EEFSEC: variants seen among roughly 807,000 people sequenced by gnomAD.
EEFSEC encodes the protein eukaryotic elongation factor, selenocysteine-tRNA specific, also known as selenocysteine-specific elongation factor.
A neutral mutation model predicts 42.1 loss-of-function variants in EEFSEC; 43 were observed. That is an observed-to-expected ratio of 1.02 (90% CI 0.80 to 1.32). EEFSEC has a LOEUF of 1.32. Ranked by LOEUF, EEFSEC falls within the 40% of genes most tolerant of loss-of-function variation. The probability of loss-of-function intolerance (pLI) is 0.00; values close to 1 mark genes in which losing one functional copy is unlikely to be tolerated. For synonymous variants in EEFSEC, 354 were observed against 339.1 expected (o/e 1.04, Z -0.48); for missense variants, 745 against 803.6 (o/e 0.93, Z 0.88).
chr3:128,230,531 T>C (rs2065949806), intron 1 of EEFSEC, among the ~76,000 whole-genome samples: 1 of 152,150 alleles, frequency 6.6e-6, no homozygotes, highest in Non-Finnish European at 1.5e-5. Context: ...ATGATAGCAT[T>C]TGTTAGGGAG....
At chr3:128,181,509 AAAAC>A (rs1268422838) in intron 1 of EEFSEC, among the ~76,000 whole-genome samples, 5 of 152,214 alleles carry the variant, frequency 3.3e-5, no homozygotes, top group Admixed American at 2.0e-4. Context: ...AAACACAACA[AAAAC>A]AAAAGAGAAG....
intron 1 of EEFSEC, among the ~76,000 whole-genome samples, chr3:128,170,976 G>C (rs550695845): frequency 1.6e-4 from 24 of 152,254 alleles, no homozygotes; most frequent in Middle Eastern, 6.8e-3. Flanking sequence ...GGACACTTTA[G>C]CAAGCACTCT....
intron 6 of EEFSEC, among the ~76,000 whole-genome samples, chr3:128,393,725 A>T (rs947932545): frequency 6.6e-6 from 1 of 152,244 alleles, no homozygotes; most frequent in Admixed American, 6.5e-5. Flanking sequence ...AATGCTGGAC[A>T]GTACTGGGCC....
intron 6 of EEFSEC, among the ~76,000 whole-genome samples, chr3:128,390,599 T>C (rs1340070862): frequency 2.0e-5 from 3 of 152,218 alleles, no homozygotes; most frequent in Admixed American, 2.0e-4. Flanking sequence ...GAGTGGGCCC[T>C]GCAGGCCTGG....
At chr3:128,409,673 G>C (rs753496573), downstream of EEFSEC, among the ~76,000 whole-genome samples, 2 of 152,186 alleles carry the variant, frequency 1.3e-5, no homozygotes, top group Non-Finnish European at 2.9e-5. Context: ...TGCAGGCTGC[G>C]GGTGCCAGGG....
intron 2 of EEFSEC, among the ~76,000 whole-genome samples, chr3:128,256,923 G>T (rs1442619193): frequency 6.6e-6 from 1 of 152,012 alleles, no homozygotes. Context: ...TTTAACACTT[G>T]TTTTATAGAT....
downstream of EEFSEC, among the ~76,000 whole-genome samples, chr3:128,408,863 G>A (rs894211004): frequency 3.9e-5 from 6 of 152,180 alleles, no homozygotes; most frequent in African/African-American, 1.4e-4. Context: ...GGAGAATGGG[G>A]ATTCTCTGGG....
chr3:128,372,007 T>C (rs2067659901), intron 6 of EEFSEC, among the ~76,000 whole-genome samples: 1 of 152,242 alleles, frequency 6.6e-6, no homozygotes, highest in Admixed American at 6.5e-5. Flanking sequence ...ACACAGTGAA[T>C]GCAACTTTTC....
intron 4 of EEFSEC, among the ~76,000 whole-genome samples, chr3:128,300,716 T>C (rs2066757763): frequency 2.0e-5 from 3 of 152,206 alleles, no homozygotes; most frequent in Admixed American, 2.0e-4. Context: ...TACATATGTA[T>C]AGACTATGTG....
At chr3:128,154,462 C>CT (rs1944334286) in intron 1 of EEFSEC, among the ~76,000 whole-genome samples, 1 of 129,722 alleles carries the variant, frequency 7.7e-6, no homozygotes, top group African/African-American at 2.9e-5. Flanking sequence ...TTTTTTTTTT[C>CT]TTTTTGAGAC....
intron 4 of EEFSEC, among the ~76,000 whole-genome samples, chr3:128,274,391 C>G (rs1331508118): frequency 6.6e-6 from 1 of 152,254 alleles, no homozygotes; most frequent in Admixed American, 6.5e-5. Context: ...CAGGAAGCCT[C>G]AGCCCCTGCA....
At chr3:128,389,026 C>T (rs2067875743) in intron 6 of EEFSEC, among the ~76,000 whole-genome samples, 1 of 152,204 alleles carries the variant, frequency 6.6e-6, no homozygotes, top group Non-Finnish European at 1.5e-5. Context: ...GGGGCCACCA[C>T]CTGAAGGGCA....
intron 5 of EEFSEC, among the ~76,000 whole-genome samples, chr3:128,353,758 T>G (rs2067417827): frequency 6.6e-6 from 1 of 152,206 alleles, no homozygotes; most frequent in Admixed American, 6.5e-5. Flanking sequence ...CAGTCTGAGT[T>G]GGAATGGGGC....
At chr3:128,378,148 T>C (rs2067731144) in intron 6 of EEFSEC, among the ~76,000 whole-genome samples, 1 of 152,184 alleles carries the variant, frequency 6.6e-6, no homozygotes, top group Non-Finnish European at 1.5e-5. Flanking sequence ...CCATAGTGTA[T>C]ACTCGTCACC....
Position 128,184,130 on chromosome 3 carries a change from A to G in EEFSEC, c.316+30307A>G, listed in dbSNP as rs1274136558. Among the ~76,000 whole-genome samples, 6 of 152,312 alleles carry G rather than the reference A, an allele frequency of 3.9e-5. No individual in the cohort carries two copies. In the East Asian group the frequency reaches 9.6e-4, roughly 24 times the overall value. ...ATACCCTCAAATTCCACCAACAACT[A>G]CTTTTAGTGTTTTTTCCTATTTTCT... On this transcript the variant is annotated intron_variant, in intron 1 of 6. Transcript: ENST00000254730.
Position 128,358,438 on chromosome 3 carries a change from G to A in EEFSEC, c.1600+65G>A. 6 of 1,579,516 alleles carry A rather than the reference G, an allele frequency of 3.8e-6. No homozygotes were observed. In the South Asian group the frequency reaches 4.6e-5, roughly 12 times the overall value. ...CAGGGCACAGAGAGATGGCAGAGGTGATGCCAAGGTGGCGCTCCTTGGCTT... is the reference window on the plus strand; with the variant it reads ...CAGGGCACAGAGAGATGGCAGAGGTAATGCCAAGGTGGCGCTCCTTGGCTT... On this transcript the variant is annotated intron_variant, in intron 6 of 6. Transcript: ENST00000254730.
At chr3:128,406,191 C>A (rs2068108065) in intron 6 of EEFSEC, among the ~76,000 whole-genome samples, 1 of 152,272 alleles carries the variant, frequency 6.6e-6, no homozygotes, top group Non-Finnish European at 1.5e-5. Flanking sequence ...CTCACCCTGG[C>A]CAGTGGCCCA....
intron 6 of EEFSEC, chr3:128,362,147 G>A (rs765574207): frequency 2.9e-5 from 14 of 480,944 alleles, no homozygotes; most frequent in Non-Finnish European, 5.6e-5. Context: ...CGCTCCCAAA[G>A]CTCATCTTGG....
chr3:128,388,762 C>A (rs2067872523), intron 6 of EEFSEC, among the ~76,000 whole-genome samples: 1 of 152,260 alleles, frequency 6.6e-6, no homozygotes, highest in Non-Finnish European at 1.5e-5. Flanking sequence ...CTGCCTCTAG[C>A]CCCTGAGCCC....
Sources: allele counts gnomAD v4.1 joint callset (sites outside exome capture counted in the v4.1 genomes callset), GRCh38; gene constraint gnomAD v4.1.1; transcripts MANE v1.5; gene names NCBI Gene and HGNC (gene_info 2026-07-23, HGNC 2026-07-21).